Variants in KLHL29 observed in about 807,000 individuals in gnomAD.
The protein encoded by KLHL29 is kelch like family member 29.
In KLHL29, 21 loss-of-function variants were observed where a neutral mutation model predicts 80.4. The ratio of observed to expected loss-of-function variants is 0.26; its 90% confidence interval spans 0.19 to 0.38. KLHL29 has a LOEUF of 0.38. Ranked by LOEUF, KLHL29 falls within the 10% of genes least tolerant of loss-of-function variation. KLHL29 has a pLI of 1.00. For missense variants in KLHL29, 867 were observed against 1,223.9 expected, an observed-to-expected ratio of 0.71 and a Z score of 4.35; for synonymous variants, 511 against 526.8, an observed-to-expected ratio of 0.97 and a Z score of 0.41.
At chr2:23,697,601 G>A (rs1672046179) in intron 11 of KLHL29, 1 of 152,206 alleles carries the variant, frequency 6.6e-6, no homozygotes, top group Admixed American at 6.5e-5. Flanking sequence ...CTTGACAAAT[G>A]TTACAGCAAA....
At chr2:23,481,685 G>T (rs1333182658) in intron 2 of KLHL29, among the ~76,000 whole-genome samples, 2 of 152,184 alleles carry the variant, frequency 1.3e-5, no homozygotes, top group East Asian at 3.9e-4. Flanking sequence ...AGAGGCCGAG[G>T]CAGGCAGATC....
chr2:23,579,937 C>G (rs1159197464), intron 3 of KLHL29, among the ~76,000 whole-genome samples: 2 of 152,214 alleles, frequency 1.3e-5, no homozygotes, highest in African/African-American at 2.4e-5. Flanking sequence ...GAACACAAAT[C>G]AGAAGGAACT....
chr2:23,642,948 C>G, intron 5 of KLHL29, 98 bp downstream of exon 5: 1 of 1,382,814 alleles, frequency 7.2e-7, no homozygotes. Flanking sequence ...TTCATGCCAG[C>G]TCCTTCACTG....
Position 23,695,702 on chromosome 2 carries a change from A to T in KLHL29, c.1622A>T (p.Glu541Val), listed in dbSNP as rs761175817. 15 of 1,551,532 alleles carry T rather than the reference A, an allele frequency of 9.7e-6. No individual in the cohort carries two copies. The African/African-American group carries it at 2.1e-4, about 21-fold the overall frequency. ...CTGCTCAATGTGGTTGACAATGAAG[A>T]GCTGATCAAGTCATCAGAAGCCTGC... ...SYLLNVVDNEELIKSSEACRD... is the reference protein window; with the variant it reads ...SYLLNVVDNEVLIKSSEACRD... The change falls in exon 9 of 14, where the codon GAG becomes GTG. Residue 541 changes from glutamate to valine, a missense_variant. Around this residue, in one of 2 missense-constraint regions of KLHL29, gnomAD observed 443 missense variants for 767.0 expected, o/e 0.58. Coordinates refer to ENST00000486442, the MANE Select transcript of KLHL29 (RefSeq NM_052920.2). The surrounding 1 kb of genome is among the most constrained non-coding windows in gnomAD (Gnocchi z 7.6).
intron 3 of KLHL29, among the ~76,000 whole-genome samples, chr2:23,631,112 G>A (rs1669456361): frequency 6.6e-6 from 1 of 152,140 alleles, no homozygotes; most frequent in Non-Finnish European, 1.5e-5. Context: ...GGGCCCAGAC[G>A]GGTTCTGCAG....
chr2:23,646,174 G>A (rs1375360342), intron 5 of KLHL29, among the ~76,000 whole-genome samples: 5 of 151,786 alleles, frequency 3.3e-5, no homozygotes, highest in Admixed American at 6.6e-5. Flanking sequence ...CATTTGTCTC[G>A]TTGTTGGATT....
intron 1 of KLHL29, among the ~76,000 whole-genome samples, chr2:23,459,788 G>A (rs1456597646): frequency 6.6e-6 from 1 of 152,146 alleles, no homozygotes; most frequent in African/African-American, 2.4e-5. Context: ...AAAGCTTCTG[G>A]GATAGCACAC....
rs1427674049 is a variant in KLHL29 at position 23,435,801 on chromosome 2, G to A, written c.-153-39759G>A. Among the ~76,000 whole-genome samples, 4 of 152,094 alleles carry A rather than the reference G, an allele frequency of 2.6e-5. No individual in the cohort carries two copies. The East Asian group carries it at 7.7e-4, about 29-fold the overall frequency. Reference sequence around the variant, plus strand: ...TATCCTTATTGTCAGTTGCCTCAAGGCCTGGTGAGGTGTTTGGAACCCTTT... The same window carrying A: ...TATCCTTATTGTCAGTTGCCTCAAGACCTGGTGAGGTGTTTGGAACCCTTT... On this transcript the variant is annotated intron_variant, in intron 1 of 13. Coordinates refer to ENST00000486442, the MANE Select transcript of KLHL29 (RefSeq NM_052920.2).
intron 1 of KLHL29, among the ~76,000 whole-genome samples, chr2:23,430,997 TGCA>T (rs1663160280): frequency 6.6e-6 from 1 of 152,246 alleles, no homozygotes; most frequent in Admixed American, 6.5e-5. Context: ...ACTGAAAGGA[TGCA>T]GACTTGAAAT....
At chr2:23,628,753 C>T (rs1328432417) in intron 3 of KLHL29, among the ~76,000 whole-genome samples, 2 of 152,056 alleles carry the variant, frequency 1.3e-5, no homozygotes, top group African/African-American at 2.4e-5. Flanking sequence ...GGCCCCACAC[C>T]GGCCCATAGC....
intron 1 of KLHL29, among the ~76,000 whole-genome samples, chr2:23,470,678 C>T (rs1472408970): frequency 2.0e-5 from 3 of 152,170 alleles, no homozygotes; most frequent in Non-Finnish European, 2.9e-5. Flanking sequence ...ATGCCAGGAG[C>T]TGCATCCCTA....
intron 3 of KLHL29, among the ~76,000 whole-genome samples, chr2:23,589,029 C>T (rs1040387902): frequency 1.3e-5 from 2 of 152,252 alleles, no homozygotes; most frequent in African/African-American, 2.4e-5. Context: ...CCTGGTTACA[C>T]GTGTGTTCCT....
chr2:23,703,367 T>G lies in KLHL29; in HGVS notation c.2287T>G (p.Ser763Ala). 1 of 1,502,674 alleles carries G rather than the reference T, an allele frequency of 6.7e-7. No individual in the cohort carries two copies. Among genetic ancestry groups the G allele is most frequent in the Admixed American group, 2.2e-5 (1 of 45,188 alleles). The allele number at this position is 1,502,674 out of a possible 1,614,324, so 93.1% of individuals were successfully genotyped here. Reference sequence around the variant, plus strand: ...GACCAACACGTGGAGCTTCATCGAGTCCCCAATGATTGGTGAGAACCAGCG... The same window carrying G: ...GACCAACACGTGGAGCTTCATCGAGGCCCCAATGATTGGTGAGAACCAGCG... ...PQTNTWSFIE[S>A]PMIDNKYAPA... Residue 763 changes from serine (S) to alanine (A), a missense_variant, in exon 12 of 14, where the codon TCC (serine) becomes GCC (alanine). Physicochemically the swap from Ser to Ala is moderately conservative, Grantham distance 99. Around this residue, in one of 2 missense-constraint regions of KLHL29, gnomAD observed 443 missense variants for 767.0 expected, o/e 0.58. Transcript: ENST00000486442.
intron 2 of KLHL29, among the ~76,000 whole-genome samples, chr2:23,487,029 A>G (rs1664949237): frequency 6.6e-6 from 1 of 152,146 alleles, no homozygotes; most frequent in South Asian, 2.1e-4. Flanking sequence ...TTTAGAGACT[A>G]AATAACTTAT....
intron 3 of KLHL29, among the ~76,000 whole-genome samples, chr2:23,565,164 A>G (rs953301324): frequency 6.6e-6 from 1 of 152,158 alleles, no homozygotes. Flanking sequence ...CACCGCTGTC[A>G]CTGTCATCCA....
chr2:23,404,857 C>T (rs186767903), intron 1 of KLHL29, among the ~76,000 whole-genome samples: 1 of 152,218 alleles, frequency 6.6e-6, no homozygotes, highest in South Asian at 2.1e-4. Flanking sequence ...GTTCCACATG[C>T]TAGTATATTG....
At chr2:23,515,454 G>C (rs182820586) in intron 2 of KLHL29, among the ~76,000 whole-genome samples, 1 of 152,214 alleles carries the variant, frequency 6.6e-6, no homozygotes, top group Non-Finnish European at 1.5e-5. Flanking sequence ...CTTGGCTCAG[G>C]CACCACCTCC....
In KLHL29 at chr2:23,688,873, C is replaced by T. The variant is rs966503651; in HGVS notation, c.1080-2801C>T. On this transcript the variant is annotated intron_variant, in intron 6 of 13. Coordinates refer to ENST00000486442, the MANE Select transcript of KLHL29 (RefSeq NM_052920.2). The stretch of plus-strand genomic sequence containing the variant: ...GCTTGGGGCAGGGACAGAACAGCCA[C>T]CTGTGGAGGACGCAGCCCTCGTCAG... 5 of 152,494 alleles carry T rather than the reference C, an allele frequency of 3.3e-5. No homozygotes were observed. The Middle Eastern group carries it at 0.01, about 307-fold the overall frequency. The allele number at this position is 152,494 out of a possible 1,614,324, so 9.4% of individuals were successfully genotyped here. A position where few individuals can be genotyped will look rare whatever the true frequency, so the allele number is the denominator to read the frequency against.
chr2:23,441,455 T>A (rs1663519567), intron 1 of KLHL29, among the ~76,000 whole-genome samples: 1 of 151,734 alleles, frequency 6.6e-6, no homozygotes, highest in Non-Finnish European at 1.5e-5. Context: ...ATTGTGCACA[T>A]GTACCCTAAA....
Sources: allele counts gnomAD v4.1 joint callset (sites outside exome capture counted in the v4.1 genomes callset), GRCh38; gene constraint gnomAD v4.1.1; regional missense constraint gnomAD v4.1.1; non-coding constraint Gnocchi (gnomAD v3.1); transcripts MANE v1.5; gene names NCBI Gene and HGNC (gene_info 2026-07-23, HGNC 2026-07-21).